Variants in PSD3 observed in about 807,000 individuals in gnomAD.
PSD3 encodes the protein PH and SEC7 domain-containing protein 3.
A neutral mutation model predicts 105.5 loss-of-function variants in PSD3; 49 were observed. The observed-to-expected ratio is 0.46, with a 90% CI of 0.37 to 0.59. The LOEUF is 0.59. Ranked by LOEUF, PSD3 falls within the 20% of genes least tolerant of loss-of-function variation. The pLI is 0.00. For missense variants in PSD3, 1,561 were observed against 1,263.8 expected (o/e 1.24, Z -3.57); for synonymous variants, 557 against 457.8 (o/e 1.22, Z -2.77).
At chr8:18,834,740 A>G (rs1813962338) in intron 4 of PSD3, among the ~76,000 whole-genome samples, 1 of 152,220 alleles carries the variant, frequency 6.6e-6, no homozygotes, top group South Asian at 2.1e-4. Context: ...CGCCATGAAA[A>G]AAAGGGAGAG....
At chr8:18,686,312 C>T (rs1489082695) in intron 9 of PSD3, among the ~76,000 whole-genome samples, 1 of 152,180 alleles carries the variant, frequency 6.6e-6, no homozygotes, top group Non-Finnish European at 1.5e-5. Context: ...TCCCCACTTT[C>T]CTGATGAGGA....
At chr8:18,945,073 C>CAG (rs1285603629) in intron 1 of PSD3, among the ~76,000 whole-genome samples, 1 of 152,106 alleles carries the variant, frequency 6.6e-6, no homozygotes, top group Non-Finnish European at 1.5e-5. Context: ...GACAGACACA[C>CAG]ACACACACAC....
chr8:18,781,439 A>G (rs1808615240), intron 8 of PSD3, among the ~76,000 whole-genome samples: 1 of 152,168 alleles, frequency 6.6e-6, no homozygotes, highest in South Asian at 2.1e-4. Context: ...CTAAGTCCCT[A>G]TTAAATGTTT....
intron 2 of PSD3, among the ~76,000 whole-genome samples, chr8:18,897,287 G>A (rs1403231804): frequency 6.6e-6 from 1 of 152,120 alleles, no homozygotes; most frequent in Non-Finnish European, 1.5e-5. Context: ...CCCAGTGAAT[G>A]TTCTTGGTGC....
intron 1 of PSD3, among the ~76,000 whole-genome samples, chr8:19,055,783 C>T (rs1256439947): frequency 1.3e-5 from 2 of 152,194 alleles, no homozygotes; most frequent in Non-Finnish European, 2.9e-5. Context: ...CCTGTGGCGA[C>T]AGAGATTTCA....
intron 4 of PSD3, among the ~76,000 whole-genome samples, chr8:18,846,319 C>G (rs1165238121): frequency 6.6e-6 from 1 of 152,312 alleles, no homozygotes; most frequent in East Asian, 1.9e-4. Context: ...GCCCTTCAAC[C>G]TGAATGCCAA....
At chr8:18,572,795 T>A in intron 13 of PSD3, 123 bp from the exon 14 acceptor site, 2 of 1,126,144 alleles carry the variant, frequency 1.8e-6, no homozygotes, top group Non-Finnish European at 2.5e-6. Context: ...CTGGTACAAC[T>A]AATCCCTGAC....
chr8:18,759,092 ACTCTCT>A lies in PSD3; in HGVS notation c.2172+6351_2172+6356del, dbSNP rs748135836. Reference sequence around the variant, plus strand: ...TAACCCATTCTTCACACACACACACACTCTCTCTCTCTCTCTCTCTCTCTTTCTTCC... The same window carrying A: ...TAACCCATTCTTCACACACACACACACTCTCTCTCTCTCTCTCTTTCTTCC... On this transcript the variant is annotated intron_variant, in intron 9 of 15. Coordinates refer to ENST00000327040, the MANE Select transcript of PSD3 (RefSeq NM_015310.4). 1.4e-4 allele frequency among the ~76,000 whole-genome samples: 20 copies of A among 143,952 alleles called. No individual in the cohort carries two copies. The East Asian group carries it at 1.5e-3, about 11-fold the overall frequency. The allele number at this position is 143,952 out of a possible 152,430, so 94.4% of individuals were successfully genotyped here.
At chr8:18,641,509 G>A (rs574305032) in intron 10 of PSD3, among the ~76,000 whole-genome samples, 3 of 152,338 alleles carry the variant, frequency 2.0e-5, no homozygotes, top group South Asian at 4.1e-4. Flanking sequence ...GGATCAGAGA[G>A]GAGGGAAGAG....
chr8:18,741,910 C>G (rs1157297433), intron 9 of PSD3, among the ~76,000 whole-genome samples: 1 of 149,584 alleles, frequency 6.7e-6, no homozygotes, highest in African/African-American at 2.5e-5. Context: ...AAAAGTACAA[C>G]TGAAATGAGA....
intron 12 of PSD3, among the ~76,000 whole-genome samples, chr8:18,579,685 T>C (rs544602846): frequency 1.3e-5 from 2 of 152,292 alleles, no homozygotes; most frequent in South Asian, 4.1e-4. Flanking sequence ...ATAAACATCA[T>C]CTACATATGT....
intron 14 of PSD3, among the ~76,000 whole-genome samples, chr8:18,560,903 G>C (rs1054779105): frequency 2.0e-5 from 3 of 152,200 alleles, no homozygotes; most frequent in African/African-American, 7.2e-5. Context: ...TCATGAAGCG[G>C]TAAGTGTCTT....
At position 18,871,749 on chromosome 8, in the gene PSD3, G is replaced by T. The variant is rs535420051; in HGVS notation, c.1115C>A (p.Pro372His). ...GGAAAATGTCCCCGAGCTAGTGCCA[G>T]GCCTCTCTGAAGGAGCTTTCCAGGA... ...DESWKAPSER[P>H]GTSSGTFSPV... The change falls in exon 3 of 16, where the codon CCT (proline) becomes CAT (histidine). Residue 372 changes from proline (P) to histidine (H), a missense_variant. Pro to His is a moderately conservative substitution (Grantham distance 77, BLOSUM62 -2). Transcript: ENST00000327040. The T allele has an allele frequency of 5.0e-6, 8 of 1,614,158 alleles. No homozygotes were observed. In the East Asian group the frequency reaches 8.9e-5, roughly 18 times the overall value.
chr8:18,708,817 C>A (rs1585686675), intron 9 of PSD3, among the ~76,000 whole-genome samples: 1 of 151,856 alleles, frequency 6.6e-6, no homozygotes, highest in East Asian at 1.9e-4. Flanking sequence ...AGGTGGTTGG[C>A]GTGACCCATG....
chr8:18,790,680 G>A (rs923891351), intron 8 of PSD3, among the ~76,000 whole-genome samples: 3 of 152,076 alleles, frequency 2.0e-5, no homozygotes, highest in Non-Finnish European at 4.4e-5. Flanking sequence ...TGTGGAGACA[G>A]AAAGAGTATT....
chr8:19,052,277 T>C (rs6586794), intron 1 of PSD3, among the ~76,000 whole-genome samples: 25,783 of 151,942 alleles, frequency 0.17, 3,259 homozygotes, highest in African/African-American at 0.36. Context: ...ATTGAGATCA[T>C]TCTGACTAAC....
chr8:18,698,409 A>T (rs1801384559), intron 9 of PSD3, among the ~76,000 whole-genome samples: 1 of 152,154 alleles, frequency 6.6e-6, no homozygotes. Flanking sequence ...GCAAGCCATG[A>T]TGCTCAGCCT....
At chr8:18,897,396 T>C (rs768432314) in intron 2 of PSD3, among the ~76,000 whole-genome samples, 1 of 152,196 alleles carries the variant, frequency 6.6e-6, no homozygotes, top group Non-Finnish European at 1.5e-5. Context: ...GACAGTACTA[T>C]GCTATTTGGT....
intron 1 of PSD3, among the ~76,000 whole-genome samples, chr8:18,976,411 G>A (rs574215100): frequency 6.6e-6 from 1 of 152,240 alleles, no homozygotes; most frequent in African/African-American, 2.4e-5. Flanking sequence ...AGTGACACAG[G>A]CAATTTCATA....
Sources: gnomAD v4.1 joint callset for allele counts (sites outside exome capture counted in the v4.1 genomes callset) on GRCh38, gnomAD v4.1.1 for gene constraint, MANE v1.5 for transcripts, NCBI Gene and HGNC (gene_info 2026-07-23, HGNC 2026-07-21) for gene names.